Variants in BORCS5 observed in about 807,000 individuals in gnomAD.
BORCS5 encodes BLOC-1 related complex subunit 5.
BORCS5 carries 17 observed loss-of-function variants against 22.1 expected under a neutral mutation model. The ratio of observed to expected loss-of-function variants is 0.77; its 90% confidence interval spans 0.53 to 1.15. The LOEUF (loss-of-function observed/expected upper bound fraction) is 1.15. Among genes scored for constraint, BORCS5 ranks in the 50% most tolerant of loss-of-function variants. The probability of loss-of-function intolerance (pLI) is 0.00; values close to 1 mark genes in which losing one functional copy is unlikely to be tolerated. For synonymous variants in BORCS5, 117 were observed against 99.8 expected, an observed-to-expected ratio of 1.17 and a Z score of -1.03; for missense variants, 247 against 253.2, an observed-to-expected ratio of 0.98 and a Z score of 0.17.
chr12:12,445,445 C>G (rs2136137997), intron 3 of BORCS5, among the ~76,000 whole-genome samples: 1 of 142,584 alleles, frequency 7.0e-6, no homozygotes, highest in South Asian at 2.2e-4. Flanking sequence ...TTGTTTTAGC[C>G]TGCTTCTGTT....
chr12:12,461,368 CAG>C (rs1203574943), intron 3 of BORCS5, among the ~76,000 whole-genome samples: 3 of 152,066 alleles, frequency 2.0e-5, no homozygotes, highest in Admixed American at 2.0e-4. Flanking sequence ...GATGAGGACT[CAG>C]TGTGTCGTCG....
At chr12:12,428,707 G>A (rs1408783055) in intron 2 of BORCS5, among the ~76,000 whole-genome samples, 1 of 152,074 alleles carries the variant, frequency 6.6e-6, no homozygotes, top group Non-Finnish European at 1.5e-5. Flanking sequence ...GGAGTATTAG[G>A]AGTGAAGTGT....
At chr12:12,448,653 C>G (rs998734763) in intron 3 of BORCS5, among the ~76,000 whole-genome samples, 1 of 151,980 alleles carries the variant, frequency 6.6e-6, no homozygotes, top group Non-Finnish European at 1.5e-5. Context: ...CTCAGCCTCC[C>G]GAGTAGCTGG....
intron 2 of BORCS5, among the ~76,000 whole-genome samples, chr12:12,375,993 TG>T (rs554746252): frequency 1.3e-5 from 2 of 151,992 alleles, no homozygotes; most frequent in South Asian, 4.2e-4. Flanking sequence ...TTAGTGGAGA[TG>T]GGGTTTCGCC....
At chr12:12,360,676 C>T (rs544680609) in intron 1 of BORCS5, among the ~76,000 whole-genome samples, 1 of 145,800 alleles carries the variant, frequency 6.9e-6, no homozygotes, top group South Asian at 2.2e-4. Flanking sequence ...TTTCAAAGTG[C>T]TGAGATTACA....
chr12:12,411,240 G>A (rs1941724503), intron 2 of BORCS5, among the ~76,000 whole-genome samples: 1 of 152,146 alleles, frequency 6.6e-6, no homozygotes, highest in South Asian at 2.1e-4. Flanking sequence ...TGATTGCCCT[G>A]GCCGGAACTT....
rs1043968516 is a variant in BORCS5, at chr12:12,376,231, C to T, written c.202+14882C>T. Among the ~76,000 whole-genome samples, 5 of 150,238 alleles carry T rather than the reference C, an allele frequency of 3.3e-5. No individual in the cohort carries two copies. The East Asian group carries it at 7.9e-4, about 24-fold the overall frequency. ...TGACAATTGGGATTGCTTTGCTCTT[C>T]AGTCTTTTTTTTTTTTTTTTGAGAC... On this transcript the variant is annotated intron_variant, in intron 2 of 3. Transcript: ENST00000314565.
chr12:12,414,726 G>C (rs1305123143), intron 2 of BORCS5, among the ~76,000 whole-genome samples: 4 of 128,836 alleles, frequency 3.1e-5, no homozygotes, highest in East Asian at 2.1e-4. Context: ...GGTGGCTGCC[G>C]GGCGGAGACG....
chr12:12,385,099 T>A (rs1184663254), intron 2 of BORCS5, among the ~76,000 whole-genome samples: 1 of 151,412 alleles, frequency 6.6e-6, no homozygotes, highest in Admixed American at 6.6e-5. Context: ...TTTTCAAATC[T>A]TATCTTTTGT....
chr12:12,375,600 C>G (rs1863631329), intron 2 of BORCS5, among the ~76,000 whole-genome samples: 1 of 152,104 alleles, frequency 6.6e-6, no homozygotes, highest in Admixed American at 6.6e-5. Context: ...GCATGGGCAA[C>G]AGAGTGAGAC....
chr12:12,412,900 CTTTTTTTTTT>C (rs869045354), intron 2 of BORCS5, among the ~76,000 whole-genome samples: 8 of 74,204 alleles, frequency 1.1e-4, no homozygotes, highest in Admixed American at 7.8e-4. Flanking sequence ...TTGTGGTTTT[CTTTTTTTTTT>C]TTTTTTTTTT....
At chr12:12,430,580 T>C (rs1032970035) in intron 2 of BORCS5, among the ~76,000 whole-genome samples, 1 of 152,168 alleles carries the variant, frequency 6.6e-6, no homozygotes, top group African/African-American at 2.4e-5. Context: ...TTCTTACTCA[T>C]AGATGAGGAA....
At chr12:12,442,799 A>G (rs1459476178) in intron 3 of BORCS5, among the ~76,000 whole-genome samples, 3 of 151,756 alleles carry the variant, frequency 2.0e-5, no homozygotes, top group East Asian at 3.9e-4. Context: ...CTTTTTTTAC[A>G]TGGTAGGTCC....
intron 2 of BORCS5, among the ~76,000 whole-genome samples, chr12:12,422,352 G>A (rs910871779): frequency 8.6e-5 from 13 of 151,548 alleles, no homozygotes; most frequent in African/African-American, 2.4e-4. Flanking sequence ...GGTGGCTCAC[G>A]CATGTAACTC....
chr12:12,444,950 A>G (rs994504153), intron 3 of BORCS5, among the ~76,000 whole-genome samples: 1 of 152,186 alleles, frequency 6.6e-6, no homozygotes, highest in Non-Finnish European at 1.5e-5. Flanking sequence ...AACAACAACA[A>G]AAAAAACTCA....
intron 2 of BORCS5, among the ~76,000 whole-genome samples, chr12:12,364,248 C>T (rs1863356596): frequency 1.3e-5 from 2 of 151,830 alleles, no homozygotes; most frequent in Admixed American, 6.6e-5. Flanking sequence ...TGGTGGCGTG[C>T]AGCTGTAGTC....
intron 2 of BORCS5, among the ~76,000 whole-genome samples, chr12:12,415,305 G>A (rs1321145062): frequency 5.3e-5 from 8 of 150,536 alleles, no homozygotes; most frequent in African/African-American, 9.7e-5. Context: ...CCGGCACCTC[G>A]GGAGGCCGAG....
At chr12:12,435,874 C>T in intron 3 of BORCS5, 89 bp downstream of exon 3, 2 of 1,348,480 alleles carry the variant, frequency 1.5e-6, no homozygotes, top group Non-Finnish European at 1.0e-6. Flanking sequence ...ACATTTGTCA[C>T]TATTGCTTTG....
chr12:12,403,855 C>CA (rs1171575773), intron 2 of BORCS5, among the ~76,000 whole-genome samples: 8 of 150,532 alleles, frequency 5.3e-5, no homozygotes, highest in African/African-American at 2.0e-4. Context: ...CTAGATCAAT[C>CA]AAGCTTTGAC....
Sources: allele counts gnomAD v4.1 joint callset (sites outside exome capture counted in the v4.1 genomes callset), GRCh38; gene constraint gnomAD v4.1.1; transcripts MANE v1.5; gene names NCBI Gene and HGNC (gene_info 2026-07-23, HGNC 2026-07-21).